GASK1B: variants seen among roughly 807,000 people sequenced by gnomAD.
GASK1B encodes the protein Golgi-associated kinase 1B.
Under a neutral mutation model 42.8 loss-of-function variants are expected in GASK1B, and 34 were observed. The ratio of observed to expected loss-of-function variants is 0.79; its 90% CI spans 0.60 to 1.06. The LOEUF is 1.06. GASK1B is among the 50% of genes least tolerant of loss of function. The pLI, the probability that GASK1B is intolerant of heterozygous loss-of-function variation, is 0.00. For missense variants in GASK1B, 686 were observed against 661.0 expected (o/e 1.04, Z -0.42); for synonymous variants, 262 against 259.1 (o/e 1.01, Z -0.11).
chr4:158,127,778 A>G (rs746390159), intron 4 of GASK1B, among the ~76,000 whole-genome samples, 164 bp from the exon 5 acceptor site: 3 of 152,288 alleles, frequency 2.0e-5, no homozygotes, highest in Admixed American at 6.5e-5. Flanking sequence ...TCTCTTAATA[A>G]TAATATACTA....
chr4:158,140,624 G>T (rs182308751), intron 3 of GASK1B, among the ~76,000 whole-genome samples: 1 of 152,204 alleles, frequency 6.6e-6, no homozygotes, highest in East Asian at 1.9e-4. Context: ...CTCTTGCTTT[G>T]CTCGAGCATA....
At chr4:158,159,297 C>T (rs1439952774) in intron 2 of GASK1B, among the ~76,000 whole-genome samples, 1 of 152,154 alleles carries the variant, frequency 6.6e-6, no homozygotes, top group Non-Finnish European at 1.5e-5. Flanking sequence ...TTCCTTTCCA[C>T]ATACAGGCCT....
intron 2 of GASK1B, among the ~76,000 whole-genome samples, chr4:158,165,072 C>T (rs1732174036): frequency 1.3e-5 from 2 of 152,146 alleles, no homozygotes; most frequent in Admixed American, 1.3e-4. Context: ...AGCTTTGTGG[C>T]AATAAAACAG....
rs779712096 is a variant in GASK1B at position 158,131,041 on chromosome 4, T to C, written c.1126-29A>G. The C allele has an allele frequency of 1.0e-5, 16 of 1,582,480 alleles. 1 individual carries two copies. The Middle Eastern group carries it at 1.7e-3, about 166-fold the overall frequency. On this transcript the variant is annotated intron_variant, in intron 3 of 4. Transcript: ENST00000585682. ...TAAATGGAAAACACAAAATCCAAGATGCTGAGTGAAAACAAAACTTGGGAA... is the reference window on the plus strand; with the variant it reads ...TAAATGGAAAACACAAAATCCAAGACGCTGAGTGAAAACAAAACTTGGGAA...
At position 158,127,100 on chromosome 4, in the gene GASK1B, C is replaced by T. The variant is rs577012413; in HGVS notation, c.*307G>A. ...TGCAGTTTTCTATTAAACAGCATGA[C>T]AAATGTTTTCAAAACTTAGCTAGAA... On this transcript the variant is annotated 3_prime_UTR_variant, in exon 5 of 5. Transcript: ENST00000585682. 3.0e-4 allele frequency: 64 copies of T among 214,928 alleles called. No homozygotes were observed. The highest frequency in any genetic ancestry group is 3.6e-3 in the Middle Eastern group (2 of 548). The allele number at this position is 214,928 out of a possible 1,614,324, so 13.3% of individuals were successfully genotyped here.
intron 4 of GASK1B, among the ~76,000 whole-genome samples, chr4:158,129,782 C>T (rs1324986585): frequency 6.6e-6 from 1 of 152,044 alleles, no homozygotes; most frequent in Admixed American, 6.6e-5. Context: ...ACCAAAGAAC[C>T]CTCTATTTTT....
intron 3 of GASK1B, among the ~76,000 whole-genome samples, chr4:158,132,199 T>C (rs1730711128): frequency 6.6e-6 from 1 of 152,170 alleles, no homozygotes; most frequent in Non-Finnish European, 1.5e-5. Flanking sequence ...CAGTACGTCA[T>C]ATTGAATGGT....
In GASK1B at chr4:158,170,693, G is replaced by A. The variant is rs775990903; in HGVS notation, c.683C>T (p.Ala228Val). The A allele has an allele frequency of 4.3e-6, 7 of 1,614,144 alleles. No individual in the cohort carries two copies. The South Asian group carries it at 7.7e-5, about 18-fold the overall frequency. ...CCGGAGCCCTGCCACTGCGCTGTCC[G>A]CCAAGAGTCGCATTCTTCGGATGTC... The part of the protein sequence containing the change: ...KDDIRRMRLL[A>V]DSAVAGLRPV... Residue 228 changes from alanine to valine, a missense_variant, in exon 2 of 5, where the codon GCG becomes GTG. By Grantham distance (64) the Ala-to-Val change is moderately conservative. Transcript: ENST00000585682.
At chr4:158,147,410 C>G (rs1226519908) in intron 3 of GASK1B, among the ~76,000 whole-genome samples, 1 of 151,958 alleles carries the variant, frequency 6.6e-6, no homozygotes, top group African/African-American at 2.4e-5. Flanking sequence ...GTAAGACCAG[C>G]CTGGGCCACA....
At chr4:158,172,415 A>T (rs141690169) in intron 1 of GASK1B, 59 of 152,340 alleles carry the variant, frequency 3.9e-4, no homozygotes, top group Non-Finnish European at 4.4e-5. Context: ...AGGCTGAGGC[A>T]TGTAAGTAGA....
chr4:158,126,262 A>C lies in GASK1B; in HGVS notation c.*1145T>G, dbSNP rs1021217234. ...GAACCTGATTTGTCCATGTCTTCCA[A>C]TCTGATTTAAAAAGTGTTAGAAGGA... On this transcript the variant is annotated 3_prime_UTR_variant, in exon 5 of 5. Transcript: ENST00000585682. The C allele has an allele frequency of 6.6e-6, 1 of 152,296 alleles. No individual in the cohort carries two copies. Among genetic ancestry groups the C allele is most frequent in the South Asian group, 2.1e-4 (1 of 4,830 alleles). 9.4% of individuals were successfully genotyped at this position (152,296 alleles called of 1,614,324 possible).
chr4:158,171,500 C>G lies in GASK1B; in HGVS notation c.-125G>C. 1 of 1,033,684 alleles carries G rather than the reference C, an allele frequency of 9.7e-7. No individual in the cohort carries two copies. Among genetic ancestry groups the G allele is most frequent in the South Asian group, 2.2e-5 (1 of 46,400 alleles). The allele number at this position is 1,033,684 out of a possible 1,614,324, so 64.0% of individuals were successfully genotyped here. On this transcript the variant is annotated 5_prime_UTR_variant, in exon 2 of 5. Coordinates refer to ENST00000585682, the MANE Select transcript of GASK1B (RefSeq NM_001128424.2). ...CGGGATATAAGTGGTCTCCAGTGGGCAGAGGTGGAAGGAAAGGGTTGGTGA... is the reference window on the plus strand; with the variant it reads ...CGGGATATAAGTGGTCTCCAGTGGGGAGAGGTGGAAGGAAAGGGTTGGTGA...
At position 158,127,408 on chromosome 4, in the gene GASK1B, C is replaced by A; in HGVS notation, c.1559G>T (p.Ter520LeuextTer20). ...HGVKVLPMNE[*>L] ...CACCCTAGCCAGAAGATTCTTTTGT[C>A]ATTCATTCATAGGTAATACTTTGAC... The change falls in exon 5 of 5, where the codon TGA becomes TTA. Residue 520 changes from the stop codon to leucine, a stop_lost. Coordinates refer to ENST00000585682, the MANE Select transcript of GASK1B (RefSeq NM_001128424.2). 1 of 1,610,462 alleles carries A rather than the reference C, an allele frequency of 6.2e-7. No individual in the cohort carries two copies. Among genetic ancestry groups the A allele is most frequent in the South Asian group, 1.1e-5 (1 of 90,288 alleles).
intron 2 of GASK1B, among the ~76,000 whole-genome samples, chr4:158,165,268 T>TA (rs1732184828): frequency 6.6e-6 from 1 of 152,250 alleles, no homozygotes; most frequent in African/African-American, 2.4e-5. Flanking sequence ...TCTCTTTTTT[T>TA]ATTTTCTTGA....
intron 2 of GASK1B, chr4:158,170,162 G>C: frequency 6.9e-7 from 1 of 1,455,052 alleles, no homozygotes; most frequent in African/African-American, 1.4e-5. Flanking sequence ...CATGCAAATT[G>C]CCGTTGGCTT....
At chr4:158,150,774 C>T (rs1731527019) in intron 3 of GASK1B, among the ~76,000 whole-genome samples, 1 of 152,158 alleles carries the variant, frequency 6.6e-6, no homozygotes, top group South Asian at 2.1e-4. Context: ...CATAGCAGGA[C>T]TCTTGAACAC....
intron 3 of GASK1B, among the ~76,000 whole-genome samples, chr4:158,131,619 A>G (rs1358575239): frequency 6.6e-6 from 1 of 152,228 alleles, no homozygotes; most frequent in African/African-American, 2.4e-5. Flanking sequence ...GAAGTTTATT[A>G]TGGGAGTTAA....
rs757096167 is a variant in GASK1B, at chr4:158,126,898, C to T, written c.*509G>A. On this transcript the variant is annotated 3_prime_UTR_variant, in exon 5 of 5. Transcript: ENST00000585682. ...TAAATGTATGGTCAGCTCTGATGCTCTTGCAGGCTGTAAGCCTCAGTGTTC... is the reference window on the plus strand; with the variant it reads ...TAAATGTATGGTCAGCTCTGATGCTTTTGCAGGCTGTAAGCCTCAGTGTTC... 6.6e-6 allele frequency: 1 copy of T among 152,442 alleles called. No homozygotes were observed. 9.4% of individuals were successfully genotyped at this position (152,442 alleles called of 1,614,324 possible).
intron 3 of GASK1B, among the ~76,000 whole-genome samples, chr4:158,145,205 C>A (rs1466668968): frequency 6.6e-6 from 1 of 152,074 alleles, no homozygotes; most frequent in Admixed American, 6.5e-5. Context: ...TTTATCACAC[C>A]ATTAAGTGGG....
Sources: allele counts gnomAD v4.1 joint callset (sites outside exome capture counted in the v4.1 genomes callset), GRCh38; gene constraint gnomAD v4.1.1; transcripts MANE v1.5; gene names NCBI Gene and HGNC (gene_info 2026-07-23, HGNC 2026-07-21).